Variants in FOXJ2 observed in about 807,000 individuals in gnomAD.
FOXJ2 encodes forkhead box J2.
FOXJ2 carries 18 observed loss-of-function variants against 68.4 expected under a neutral mutation model. That is an observed-to-expected ratio of 0.26 (90% CI 0.18 to 0.39). The LOEUF (loss-of-function observed/expected upper bound fraction) is 0.39, where lower values mean the gene tolerates loss of function less well. Ranked by LOEUF, FOXJ2 falls within the 10% of genes least tolerant of loss-of-function variation. The pLI, the probability that FOXJ2 is intolerant of heterozygous loss-of-function variation, is 1.00. For missense variants in FOXJ2, 670 were observed against 726.5 expected (o/e 0.92, Z 0.89); for synonymous variants, 274 against 263.2 (o/e 1.04, Z -0.40).
rs1946854821 is a variant in FOXJ2, at chr12:8,032,959, C to G, written c.-889C>G. On this transcript the variant is annotated 5_prime_UTR_variant, in exon 1 of 11. Coordinates refer to ENST00000162391, the MANE Select transcript of FOXJ2 (RefSeq NM_018416.3). The surrounding 1 kb of genome is among the most constrained non-coding windows in gnomAD (Gnocchi z 4.8). ...CTGCCCAGGCCAGCTCAGGGACAGCCGGGAGTACGAAAGCCCCACCCTCTG... is the reference window on the plus strand; with the variant it reads ...CTGCCCAGGCCAGCTCAGGGACAGCGGGGAGTACGAAAGCCCCACCCTCTG... The G allele has an allele frequency of 2.5e-6, 1 of 396,218 alleles. No individual in the cohort carries two copies. Among genetic ancestry groups the G allele is most frequent in the African/African-American group, 2.1e-5 (1 of 48,572 alleles). The allele number at this position is 396,218 out of a possible 1,614,324, so 24.5% of individuals were successfully genotyped here.
rs1024718627 is a variant in FOXJ2, at chr12:8,033,490, G to A, written c.-358G>A. 1.3e-5 allele frequency: 2 copies of A among 152,802 alleles called. No individual in the cohort carries two copies. The highest frequency in any genetic ancestry group is 2.4e-5 in the African/African-American group (1 of 41,462). The allele number at this position is 152,802 out of a possible 1,614,324, so 9.5% of individuals were successfully genotyped here. ...CAGACAGAAAGAGCCCTCCACCTCAGAAAGATCCAGTTTGGGGGGGAGGGG... is the reference window on the plus strand; with the variant it reads ...CAGACAGAAAGAGCCCTCCACCTCAAAAAGATCCAGTTTGGGGGGGAGGGG... On this transcript the variant is annotated 5_prime_UTR_variant, in exon 1 of 11. Coordinates refer to ENST00000162391, the MANE Select transcript of FOXJ2 (RefSeq NM_018416.3).
In FOXJ2 at chr12:8,032,993, C is replaced by A. The variant is rs995325650; in HGVS notation, c.-855C>A. 6.8e-5 allele frequency: 27 copies of A among 396,324 alleles called. No homozygotes were observed. The highest frequency in any genetic ancestry group is 5.1e-4 in the African/African-American group (25 of 48,580). 24.6% of individuals were successfully genotyped at this position (396,324 alleles called of 1,614,324 possible). Reference sequence around the variant, plus strand: ...GAAAGCCCCACCCTCTGGGGCACCCCGGGAGCGGAGGCGGGAGCGGGGACG... The same window carrying A: ...GAAAGCCCCACCCTCTGGGGCACCCAGGGAGCGGAGGCGGGAGCGGGGACG... On this transcript the variant is annotated 5_prime_UTR_variant, in exon 1 of 11. Transcript: ENST00000162391. The surrounding 1 kb of genome is among the most constrained non-coding windows in gnomAD (Gnocchi z 4.8).
At chr12:8,044,116 C>G (rs1367814070) in intron 5 of FOXJ2, 25 bp downstream of exon 5, 1 of 1,504,970 alleles carries the variant, frequency 6.6e-7, no homozygotes, top group Non-Finnish European at 8.9e-7. Flanking sequence ...TGGCAGGGGT[C>G]ATGGGATGGG....
chr12:8,035,768 A>G lies in FOXJ2; in HGVS notation c.-15+1935A>G, dbSNP rs1440113802. 1.3e-5 allele frequency among the ~76,000 whole-genome samples: 2 copies of G among 152,182 alleles called. No individual in the cohort carries two copies. The highest frequency in any genetic ancestry group is 2.1e-4 in the South Asian group (1 of 4,832). On this transcript the variant is annotated intron_variant, in intron 1 of 10. Coordinates refer to ENST00000162391, the MANE Select transcript of FOXJ2 (RefSeq NM_018416.3). The surrounding 1 kb of genome is among the most constrained non-coding windows in gnomAD (Gnocchi z 4.0). The stretch of plus-strand genomic sequence containing the variant: ...TACTGAGTGGGATTAACTGTGGTTT[A>G]GAGAGTGTGCTTTCCCAGACCATGT...
chr12:8,051,234 A>T (rs1947122888), intron 10 of FOXJ2, among the ~76,000 whole-genome samples: 1 of 151,060 alleles, frequency 6.6e-6, no homozygotes. Flanking sequence ...GGTTGAAATG[A>T]TTCTCCTGCT....
Position 8,032,745 on chromosome 12 carries a change from C to T in FOXJ2, c.-1103C>T. On this transcript the variant is annotated 5_prime_UTR_variant, in exon 1 of 11. Transcript: ENST00000162391. This position sits in a 1 kb window ranked among gnomAD's most constrained non-coding sequence, Gnocchi z 4.8. ...CGGAGCCGAGCCGAGCCCGAGCCCG[C>T]GCCGAGCCCTGACACTGTCTGCCCG... 1 of 396,588 alleles carries T rather than the reference C, an allele frequency of 2.5e-6. No individual in the cohort carries two copies. Among genetic ancestry groups the T allele is most frequent in the Non-Finnish European group, 4.4e-6 (1 of 224,878 alleles). The allele number at this position is 396,588 out of a possible 1,614,324, so 24.6% of individuals were successfully genotyped here.
intron 3 of FOXJ2, 136 bp from the exon 4 acceptor site, chr12:8,043,565 G>C: frequency 1.2e-6 from 1 of 821,896 alleles, no homozygotes; most frequent in Non-Finnish European, 2.0e-6. Context: ...ATCGAGGCCT[G>C]TGTTTGGACC....
rs761794581 is a variant in FOXJ2 at position 8,042,637 on chromosome 12, C to T, written c.334-21C>T. 2.5e-6 allele frequency: 4 copies of T among 1,611,554 alleles called. No individual in the cohort carries two copies. The East Asian group carries it at 6.7e-5, about 27-fold the overall frequency. On this transcript the variant is annotated intron_variant, in intron 2 of 10. Transcript: ENST00000162391. ...TGCTCTGCATAATGCTCAGGCCTAA[C>T]TTGCTTCTCTGCCTCTCCAGAATTC...
chr12:8,040,036 A>C lies in FOXJ2; in HGVS notation c.204A>C (p.Arg68=). Reference sequence around the variant, plus strand: ...CAGTGCACCAGGACGGCAAGCCACGATACAGCTATGCCACTCTCATCACCT... The same window carrying C: ...CAGTGCACCAGGACGGCAAGCCACGCTACAGCTATGCCACTCTCATCACCT... The part of the protein sequence containing the change: ...EAAVHQDGKP[R]YSYATLITYA... The change falls in exon 2 of 11, where the codon CGA becomes CGC. Residue 68 remains arginine (R), a synonymous_variant. Transcript: ENST00000162391. This position sits in a 1 kb window ranked among gnomAD's most constrained non-coding sequence, Gnocchi z 4.0. The C allele has an allele frequency of 6.2e-7, 1 of 1,614,122 alleles. No individual in the cohort carries two copies. The highest frequency in any genetic ancestry group is 8.5e-7 in the Non-Finnish European group (1 of 1,180,022).
chr12:8,043,363 C>A (rs914724798), intron 3 of FOXJ2, among the ~76,000 whole-genome samples: 1 of 151,750 alleles, frequency 6.6e-6, no homozygotes, highest in African/African-American at 2.4e-5. Context: ...AACCTTTGTA[C>A]AAACATCTCT....
chr12:8,036,354 C>T (rs147841375), intron 1 of FOXJ2, among the ~76,000 whole-genome samples: 42 of 152,332 alleles, frequency 2.8e-4, no homozygotes, highest in Middle Eastern at 3.4e-3. Context: ...CATCCAGGAT[C>T]GGTCTTTCAC....
In FOXJ2 at chr12:8,035,936, GA is replaced by G. The variant is rs1286591906; in HGVS notation, c.-15+2107del. Among the ~76,000 whole-genome samples, 3 of 152,182 alleles carry G rather than the reference GA, an allele frequency of 2.0e-5. No individual in the cohort carries two copies. Among genetic ancestry groups the G allele is most frequent in the African/African-American group, 7.2e-5 (3 of 41,448 alleles). ...GAAAAGTTTGAGATTCTGACATCCT[GA>G]AAACCATTGCAGATGCAGTGCAGGC... On this transcript the variant is annotated intron_variant, in intron 1 of 10. Coordinates refer to ENST00000162391, the MANE Select transcript of FOXJ2 (RefSeq NM_018416.3). This position sits in a 1 kb window ranked among gnomAD's most constrained non-coding sequence, Gnocchi z 4.0.
chr12:8,039,175 G>C (rs1946934027), intron 1 of FOXJ2, among the ~76,000 whole-genome samples: 1 of 151,928 alleles, frequency 6.6e-6, no homozygotes, highest in Non-Finnish European at 1.5e-5. Context: ...CTGTGTATGT[G>C]CTTCACTGTT....
In FOXJ2 at chr12:8,033,504, GGGGGGGAGGGGAA is replaced by G. The variant is rs1946862247; in HGVS notation, c.-343_-331del. 1 of 152,764 alleles carries G rather than the reference GGGGGGGAGGGGAA, an allele frequency of 6.5e-6. No homozygotes were observed. Among genetic ancestry groups the G allele is most frequent in the Non-Finnish European group, 1.5e-5 (1 of 68,190 alleles). The allele number at this position is 152,764 out of a possible 1,614,324, so 9.5% of individuals were successfully genotyped here. A position where few individuals can be genotyped will look rare whatever the true frequency, so the allele number is the denominator to read the frequency against. ...CCTCCACCTCAGAAAGATCCAGTTT[GGGGGGGAGGGGAA>G]CTCCCCCAAGGGGGAGGAGACAACT... On this transcript the variant is annotated 5_prime_UTR_variant, in exon 1 of 11. Coordinates refer to ENST00000162391, the MANE Select transcript of FOXJ2 (RefSeq NM_018416.3).
intron 3 of FOXJ2, 127 bp from the exon 4 acceptor site, chr12:8,043,574 C>G (rs1565628755): frequency 3.4e-6 from 3 of 894,444 alleles, no homozygotes; most frequent in South Asian, 1.5e-5. Context: ...TGTGTTTGGA[C>G]CACAGGATTA....
intron 8 of FOXJ2, 35 bp downstream of exon 8, chr12:8,048,833 C>T: frequency 6.4e-7 from 1 of 1,573,562 alleles, no homozygotes; most frequent in South Asian, 1.1e-5. Flanking sequence ...GAGAGGGATA[C>T]ACTGTAAGGG....
rs1267568197 is a variant in FOXJ2, at chr12:8,033,230, C to G, written c.-618C>G. On this transcript the variant is annotated 5_prime_UTR_variant, in exon 1 of 11. Coordinates refer to ENST00000162391, the MANE Select transcript of FOXJ2 (RefSeq NM_018416.3). ...TAGCGCGCCCCCGCCCCTCCAAACA[C>G]ACACTCTCAACAGTTCAGGACTTTG... 2 of 213,138 alleles carry G rather than the reference C, an allele frequency of 9.4e-6. No homozygotes were observed. The highest frequency in any genetic ancestry group is 1.8e-5 in the Non-Finnish European group (2 of 108,454). 13.2% of individuals were successfully genotyped at this position (213,138 alleles called of 1,614,324 possible). A position where few individuals can be genotyped will look rare whatever the true frequency, so the allele number is the denominator to read the frequency against.
rs1365705307 is a variant in FOXJ2 at position 8,040,202 on chromosome 12, C to G, written c.333+37C>G. 1 of 1,586,312 alleles carries G rather than the reference C, an allele frequency of 6.3e-7. No individual in the cohort carries two copies. Among genetic ancestry groups the G allele is most frequent in the South Asian group, 1.1e-5 (1 of 89,204 alleles). ...TCTATAATCTTGGCTTAGGTTTAGG[C>G]TTCAACAGCCTTTTTAGAGAAAAAG... On this transcript the variant is annotated intron_variant, in intron 2 of 10. Transcript: ENST00000162391. This position sits in a 1 kb window ranked among gnomAD's most constrained non-coding sequence, Gnocchi z 4.0.
At chr12:8,039,398 C>G (rs1033434348) in intron 1 of FOXJ2, among the ~76,000 whole-genome samples, 4 of 152,112 alleles carry the variant, frequency 2.6e-5, no homozygotes, top group Admixed American at 6.5e-5. Context: ...TCTATCTGTG[C>G]ATGTTGTATG....
Sources: gnomAD v4.1 joint callset for allele counts (sites outside exome capture counted in the v4.1 genomes callset) on GRCh38, gnomAD v4.1.1 for gene constraint, Gnocchi (gnomAD v3.1) non-coding constraint, MANE v1.5 for transcripts, NCBI Gene and HGNC (gene_info 2026-07-23, HGNC 2026-07-21) for gene names.